The following CELA3B variants were observed in gnomAD, a reference collection of about 807,000 sequenced individuals.
CELA3B encodes the protein chymotrypsin-like elastase family member 3B.
CELA3B carries 34 observed loss-of-function variants against 37.2 expected under a neutral mutation model. The ratio of observed to expected loss-of-function variants is 0.91; its 90% CI spans 0.70 to 1.22. The LOEUF (loss-of-function observed/expected upper bound fraction) is 1.22. CELA3B is among the 50% of genes most tolerant of loss of function. CELA3B has a pLI of 0.00. For synonymous variants in CELA3B, 127 were observed against 143.5 expected (o/e 0.89, Z 0.82); for missense variants, 340 against 363.1 (o/e 0.94, Z 0.52).
intron 7 of CELA3B, among the ~76,000 whole-genome samples, chr1:21,988,353 A>T (rs1300000282): frequency 5.3e-5 from 8 of 151,674 alleles, no homozygotes; most frequent in Admixed American, 5.2e-4. Flanking sequence ...GCAATTTGGT[A>T]GGCCGAGGCA....
chr1:21,980,840 A>G lies in CELA3B; in HGVS notation c.146A>G (p.Glu49Gly). 1 of 1,600,410 alleles carries G rather than the reference A, an allele frequency of 6.2e-7. No homozygotes were observed. The highest frequency in any genetic ancestry group is 8.5e-7 in the Non-Finnish European group (1 of 1,170,774). ...GGCCACCAGGTTTCCCTGCAGTATG[A>G]GAAAAGCGGAAGCTTCTACCACACC... ...SWPWQVSLQY[E>G]KSGSFYHTCG... Residue 49 changes from glutamate (E) to glycine (G), a missense_variant, in exon 3 of 8, where the codon GAG becomes GGG. Coordinates refer to ENST00000337107, the MANE Select transcript of CELA3B (RefSeq NM_007352.4).
At chr1:21,995,083 T>C (rs1259507288) in intron 4 of CELA3B, among the ~76,000 whole-genome samples, 3 of 150,274 alleles carry the variant, frequency 2.0e-5, no homozygotes, top group African/African-American at 4.9e-5. Context: ...AATATTTGTA[T>C]TTTGTGGAAG....
intron 6 of CELA3B, among the ~76,000 whole-genome samples, chr1:21,985,771 G>A (rs34346609): frequency 0.2 from 30,165 of 151,742 alleles, 3,934 homozygotes; most frequent in East Asian, 0.37. Flanking sequence ...GGCGCCTGTA[G>A]TCCCAGCTAC....
chr1:21,977,070 C>T lies in CELA3B; in HGVS notation c.31C>T (p.Leu11Phe), dbSNP rs1382167372. MMLRLLSSLL[L>F]VAVASGYGPP... ...GCTCCGGCTGCTCAGTTCCCTCCTC[C>T]TTGTGGCCGTTGGTAAGACCCCAAC... is the stretch of plus-strand genomic sequence containing the variant. The change falls in exon 1 of 8, where the codon CTT (leucine) becomes TTT (phenylalanine). Residue 11 changes from leucine to phenylalanine, a missense_variant. Coordinates refer to ENST00000337107, the MANE Select transcript of CELA3B (RefSeq NM_007352.4). 1.2e-6 allele frequency: 2 copies of T among 1,614,196 alleles called. No homozygotes were observed. The highest frequency in any genetic ancestry group is 3.3e-5 in the Admixed American group (2 of 60,000).
chr1:21,998,558 G>C (rs1394347742), exon 5 of CELA3B: 2 of 170,116 alleles, frequency 1.2e-5, no homozygotes, highest in African/African-American at 4.8e-5. Flanking sequence ...GTGCTTTCAG[G>C]GTAGGAAGCG....
rs756216871 is a variant in CELA3B, at chr1:21,983,761, C to T, written c.430C>T (p.Leu144Phe). ...GGGAGACGCCGTCCAGCTCGCCTCA[C>T]TCCCTCCGGCTGGTGACATCCTTCC... ...QLGDAVQLAS[L>F]PPAGDILPNE... is the part of the protein sequence containing the mutation. Residue 144 changes from leucine to phenylalanine, a missense_variant, in exon 5 of 8, where the codon CTC becomes TTC. Physicochemically the swap from Leu to Phe is conservative, Grantham distance 22. Coordinates refer to ENST00000337107, the MANE Select transcript of CELA3B (RefSeq NM_007352.4). The T allele has an allele frequency of 9.3e-6, 15 of 1,614,026 alleles. No homozygotes were observed. Among genetic ancestry groups the T allele is most frequent in the Non-Finnish European group, 7.6e-6 (9 of 1,180,028 alleles).
chr1:21,990,558 T>TA (rs1243377490), downstream of CELA3B, among the ~76,000 whole-genome samples: 40 of 3,650 alleles, frequency 0.011, no homozygotes, highest in African/African-American at 0.047. Context: ...AACTCCTTCT[T>TA]AAAAAAAAAA....
downstream of CELA3B, among the ~76,000 whole-genome samples, chr1:21,991,971 T>C (rs1644870642): frequency 7.1e-6 from 1 of 141,762 alleles, no homozygotes; most frequent in South Asian, 2.3e-4. Context: ...AAATACAAAA[T>C]TAGGCAGGTG....
At position 21,981,048 on chromosome 1, in the gene CELA3B, A is replaced by G. The variant is rs1269886572; in HGVS notation, c.238A>G (p.Thr80Ala). ...TAGHCISSSR[T>A]YQVVLGEYDR... is the part of the protein sequence containing the mutation. ...CACCTCCGCCCGCAGGAGCTCCCGG[A>G]CCTACCAGGTGGTGTTGGGCGAGTA... The change falls in exon 4 of 8, where the codon ACC (threonine) becomes GCC (alanine). Residue 80 changes from threonine (T) to alanine (A), a missense_variant. Transcript: ENST00000337107. The G allele has an allele frequency of 1.2e-6, 2 of 1,614,034 alleles. No homozygotes were observed. The highest frequency in any genetic ancestry group is 1.7e-5 in the Admixed American group (1 of 59,988).
rs182700625 is a variant in CELA3B at position 21,994,699 on chromosome 1, C to T, written c.505-3452C>T. 8.6e-5 allele frequency among the ~76,000 whole-genome samples: 13 copies of T among 151,112 alleles called. 1 individual carries two copies. In the East Asian group the frequency reaches 9.8e-4, roughly 11 times the overall value. ...CCACTTAAAGTGAAGTCCTGTGAGA[C>T]TGTACATTTCCTAGTTGTGGCCAGG... On this transcript the variant is annotated intron_variant, in intron 4 of 4. Coordinates refer to the CELA3B transcript ENST00000400277.
intron 6 of CELA3B, among the ~76,000 whole-genome samples, chr1:21,985,668 G>C (rs1263825624): frequency 6.6e-6 from 1 of 151,716 alleles, no homozygotes; most frequent in Admixed American, 6.6e-5. Flanking sequence ...GAGCCGGGCG[G>C]ATCACGAGGT....
intron 7 of CELA3B, chr1:21,987,957 T>TTGG (rs1644849159): frequency 1.3e-5 from 2 of 150,964 alleles, no homozygotes; most frequent in African/African-American, 2.4e-5. Context: ...ATGCATGTAA[T>TTGG]CCCAGCACTC....
intron 6 of CELA3B, among the ~76,000 whole-genome samples, 171 bp downstream of exon 6, chr1:21,984,502 G>C (rs143029493): frequency 0.012 from 1,823 of 152,010 alleles, 46 homozygotes; most frequent in African/African-American, 0.041. Context: ...CCAGGCCTGG[G>C]AGTCAGGACC....
In CELA3B at chr1:21,986,582, G is replaced by C. The variant is rs142871632; in HGVS notation, c.694G>C (p.Val232Leu). ...CCCCACAGAGGATGGTGGCTGGCAG[G>C]TCCATGGCGTGACCAGCTTTGTTTC... ...NCPTEDGGWQ[V>L]HGVTSFVSAF... is the part of the protein sequence containing the mutation. The change falls in exon 7 of 8, where the codon GTC becomes CTC. Residue 232 changes from valine to leucine, a missense_variant. Val to Leu is a conservative substitution (Grantham distance 32). Transcript: ENST00000337107. The C allele has an allele frequency of 5.3e-4, 856 of 1,613,992 alleles. 3 individuals carry two copies. Among genetic ancestry groups the C allele is most frequent in the Non-Finnish European group, 6.0e-4 (710 of 1,180,034 alleles).
At chr1:21,979,087 A>G (rs998831284) in intron 2 of CELA3B, among the ~76,000 whole-genome samples, 2 of 150,650 alleles carry the variant, frequency 1.3e-5, no homozygotes, top group African/African-American at 4.8e-5. Flanking sequence ...TATTATTATT[A>G]TTGAGACAGA....
downstream of CELA3B, among the ~76,000 whole-genome samples, chr1:21,990,844 C>T (rs1308047008): frequency 1.3e-4 from 6 of 44,850 alleles, no homozygotes; most frequent in Non-Finnish European, 2.7e-4. Context: ...CTGCAGTGAG[C>T]TGAGACTGTG....
downstream of CELA3B, among the ~76,000 whole-genome samples, chr1:21,989,851 G>A (rs150442789): frequency 0.011 from 1,679 of 150,816 alleles, 109 homozygotes; most frequent in African/African-American, 0.039. Context: ...TTCCTGCCCT[G>A]AAGTGACTCA....
intron 4 of CELA3B, among the ~76,000 whole-genome samples, chr1:21,995,984 C>T (rs537674752): frequency 1.2e-4 from 18 of 149,974 alleles, no homozygotes; most frequent in African/African-American, 3.7e-4. Flanking sequence ...GAGGCTGAGG[C>T]GGGCAGATCA....
At chr1:21,983,140 A>G (rs943679108) in intron 4 of CELA3B, among the ~76,000 whole-genome samples, 2 of 152,150 alleles carry the variant, frequency 1.3e-5, no homozygotes, top group Non-Finnish European at 2.9e-5. Flanking sequence ...AGCTAAGGTC[A>G]GGAGTTCTAG....
Sources: gnomAD v4.1 joint callset for allele counts (sites outside exome capture counted in the v4.1 genomes callset) on GRCh38, gnomAD v4.1.1 for gene constraint, MANE v1.5 for transcripts, NCBI Gene and HGNC (gene_info 2026-07-23, HGNC 2026-07-21) for gene names.